The following TTC6 variants were observed in gnomAD, a reference collection of about 807,000 sequenced individuals.
TTC6 encodes the protein tetratricopeptide repeat domain 6, also known as tetratricopeptide repeat protein 6.
Under a neutral mutation model 210.4 loss-of-function variants are expected in TTC6, and 172 were observed. That is an observed-to-expected ratio of 0.82 (90% CI 0.72 to 0.93). The LOEUF is 0.93. Ranked by LOEUF, TTC6 falls within the 40% of genes least tolerant of loss-of-function variation. The pLI, the probability that TTC6 is intolerant of heterozygous loss-of-function variation, is 0.00. For synonymous variants in TTC6, 804 were observed against 819.6 expected, an observed-to-expected ratio of 0.98 and a Z score of 0.32; for missense variants, 2,414 against 2,318.1, an observed-to-expected ratio of 1.04 and a Z score of -0.85.
chr14:37,684,673 C>T (rs1389794333), intron 3 of TTC6, among the ~76,000 whole-genome samples: 1 of 152,136 alleles, frequency 6.6e-6, no homozygotes, highest in Admixed American at 6.6e-5. Flanking sequence ...CAAGTCTTCT[C>T]CAAGAATCAT....
At chr14:37,704,042 ATTGT>A (rs1266812353) in intron 5 of TTC6, among the ~76,000 whole-genome samples, 2 of 152,286 alleles carry the variant, frequency 1.3e-5, no homozygotes, top group Admixed American at 6.5e-5. Flanking sequence ...TTCATTCAAG[ATTGT>A]TTGTGAACAT....
At chr14:37,734,051 T>C (rs1045904700) in intron 7 of TTC6, among the ~76,000 whole-genome samples, 3 of 152,200 alleles carry the variant, frequency 2.0e-5, no homozygotes, top group Non-Finnish European at 4.4e-5. Context: ...TACCATTGTA[T>C]TTAAAACATG....
chr14:37,815,087 A>T (rs919547635), intron 25 of TTC6, among the ~76,000 whole-genome samples: 6 of 152,154 alleles, frequency 3.9e-5, no homozygotes, highest in African/African-American at 1.2e-4. Context: ...AGATAATAGT[A>T]AAGGAATAAA....
At chr14:37,630,402 C>A (rs1174019814) in intron 1 of TTC6, among the ~76,000 whole-genome samples, 1 of 152,174 alleles carries the variant, frequency 6.6e-6, no homozygotes, top group Non-Finnish European at 1.5e-5. Context: ...GAGTGAGTTT[C>A]TTAATCCTGA....
chr14:37,739,358 A>T (rs1419573689), intron 10 of TTC6, among the ~76,000 whole-genome samples: 2 of 151,684 alleles, frequency 1.3e-5, no homozygotes, highest in Non-Finnish European at 2.9e-5. Context: ...GGGCGGATCA[A>T]CTGAAGTCAG....
chr14:37,784,033 G>C (rs2096061776), intron 14 of TTC6, among the ~76,000 whole-genome samples: 2 of 152,156 alleles, frequency 1.3e-5, no homozygotes, highest in African/African-American at 4.8e-5. Context: ...CATTTGCTGA[G>C]GAATGCTTTA....
chr14:37,834,795 C>A (rs1486729814), intron 29 of TTC6, among the ~76,000 whole-genome samples: 2 of 152,080 alleles, frequency 1.3e-5, no homozygotes, highest in Non-Finnish European at 2.9e-5. Flanking sequence ...GTGTAACCAT[C>A]ACTTCTTCCA....
chr14:37,756,362 C>A (rs1595205737), intron 14 of TTC6, among the ~76,000 whole-genome samples: 1 of 152,202 alleles, frequency 6.6e-6, no homozygotes, highest in Non-Finnish European at 1.5e-5. Flanking sequence ...CCTGATTTCA[C>A]TGGCCAGAAC....
intron 1 of TTC6, among the ~76,000 whole-genome samples, chr14:37,662,855 G>A (rs2095740148): frequency 6.6e-6 from 1 of 151,428 alleles, no homozygotes; most frequent in South Asian, 2.1e-4. Flanking sequence ...GCTTAGGATT[G>A]CCTTGGCTAT....
At chr14:37,774,147 A>C (rs2096029620) in intron 14 of TTC6, among the ~76,000 whole-genome samples, 1 of 152,172 alleles carries the variant, frequency 6.6e-6, no homozygotes, top group African/African-American at 2.4e-5. Flanking sequence ...TTATTAGATC[A>C]ATGAAATTTT....
chr14:37,725,037 G>A, intron 7 of TTC6, 35 bp downstream of exon 9: 2 of 1,158,792 alleles, frequency 1.7e-6, no homozygotes, highest in Non-Finnish European at 2.4e-6. Flanking sequence ...TATTATTGTT[G>A]TTGTTATTAT....
intron 1 of TTC6, among the ~76,000 whole-genome samples, chr14:37,605,731 G>A (rs1037119154): frequency 2.0e-5 from 3 of 152,148 alleles, no homozygotes; most frequent in Non-Finnish European, 4.4e-5. Context: ...GAACATCTAA[G>A]CAAAGCCCTT....
At chr14:37,697,079 A>G (rs2095816308) in intron 4 of TTC6, among the ~76,000 whole-genome samples, 1 of 152,132 alleles carries the variant, frequency 6.6e-6, no homozygotes. Context: ...ATAGCTGGAA[A>G]AAATAACTGT....
At chr14:37,725,950 A>G (rs2095872243) in intron 7 of TTC6, among the ~76,000 whole-genome samples, 1 of 152,142 alleles carries the variant, frequency 6.6e-6, no homozygotes, top group Non-Finnish European at 1.5e-5. Context: ...ATCATTTTAA[A>G]AATTAGAAAA....
rs550455360 is a variant in TTC6, at chr14:37,679,132, G to A, written c.940-1019G>A. Among the ~76,000 whole-genome samples, 10 of 152,272 alleles carry A rather than the reference G, an allele frequency of 6.6e-5. No individual in the cohort carries two copies. The South Asian group carries it at 2.1e-3, about 32-fold the overall frequency. On this transcript the variant is annotated intron_variant, in intron 1 of 30. Transcript: ENST00000553443. ...TGCCACTCAGGAGGCTGAGGTGAAAGGAACGCTTGAGCCCAGGAGTTTGAG... is the reference window on the plus strand; with the variant it reads ...TGCCACTCAGGAGGCTGAGGTGAAAAGAACGCTTGAGCCCAGGAGTTTGAG...
chr14:37,679,500 G>A (rs1011588995), intron 1 of TTC6, among the ~76,000 whole-genome samples: 9 of 152,014 alleles, frequency 5.9e-5, no homozygotes, highest in African/African-American at 2.2e-4. Context: ...ATTCCCTCTT[G>A]CCCTTGGTTG....
intron 7 of TTC6, among the ~76,000 whole-genome samples, chr14:37,727,893 G>A (rs952219338): frequency 6.6e-6 from 1 of 151,952 alleles, no homozygotes; most frequent in Non-Finnish European, 1.5e-5. Context: ...GGAATTTATG[G>A]ATATTTGCTT....
At chr14:37,725,245 G>GTGTATATATATACATGTATATA (rs2095869299) in intron 7 of TTC6, among the ~76,000 whole-genome samples, 1 of 142,458 alleles carries the variant, frequency 7.0e-6, no homozygotes, top group East Asian at 2.0e-4. Context: ...ATATGTGTGT[G>GTGTATATATATACATGTATATA]TGTATATATA....
At chr14:37,824,121 G>A (rs1235290526) in intron 27 of TTC6, among the ~76,000 whole-genome samples, 164 bp downstream of exon 29, 1 of 152,096 alleles carries the variant, frequency 6.6e-6, no homozygotes, top group Non-Finnish European at 1.5e-5. Flanking sequence ...GGTTTAGTTA[G>A]TTATAGAGAG....
Sources: allele counts gnomAD v4.1 joint callset (sites outside exome capture counted in the v4.1 genomes callset), GRCh38; gene constraint gnomAD v4.1.1; transcripts MANE v1.5; gene names NCBI Gene and HGNC (gene_info 2026-07-23, HGNC 2026-07-21).